Variants in KCNH1 observed in about 807,000 individuals in gnomAD.
KCNH1 encodes the protein voltage-gated delayed rectifier potassium channel KCNH1.
Under a neutral mutation model 69.2 loss-of-function variants are expected in KCNH1, and 27 were observed. The observed-to-expected ratio is 0.39, with a 90% CI of 0.29 to 0.54. The LOEUF (loss-of-function observed/expected upper bound fraction) is 0.54, where lower values mean the gene tolerates loss of function less well. KCNH1 is among the 20% of genes least tolerant of loss of function. The pLI is 0.68. For missense variants in KCNH1, 798 were observed against 1,261.6 expected (o/e 0.63, Z 5.57); for synonymous variants, 456 against 487.7 (o/e 0.93, Z 0.86).
rs1422721009 is a variant in KCNH1, at chr1:211,045,190, C to T, written c.559-25934G>A. Among the ~76,000 whole-genome samples, 7 of 151,624 alleles carry T rather than the reference C, an allele frequency of 4.6e-5. No individual in the cohort carries two copies. In the East Asian group the frequency reaches 1.4e-3, roughly 29 times the overall value. On this transcript the variant is annotated intron_variant, in intron 5 of 10. Coordinates refer to ENST00000271751, the MANE Select transcript of KCNH1 (RefSeq NM_172362.3). The stretch of plus-strand genomic sequence containing the variant: ...AATGGAAAGCCAAACATTGTATGCT[C>T]TCACTTATAAGTAGGAGCTAAGCTA...
chr1:210,952,858 A>T (rs1488257063), intron 6 of KCNH1, among the ~76,000 whole-genome samples: 1 of 152,088 alleles, frequency 6.6e-6, no homozygotes, highest in Non-Finnish European at 1.5e-5. Context: ...TGGTGTCTCT[A>T]CTCTTGTGCA....
chr1:210,907,767 AATGATGTGGT>A, intron 7 of KCNH1, among the ~76,000 whole-genome samples: 1 of 152,140 alleles, frequency 6.6e-6, no homozygotes, highest in Non-Finnish European at 1.5e-5. Flanking sequence ...GCAATTGAGA[AATGATGTGGT>A]ATGTGTCAGT....
intron 7 of KCNH1, chr1:210,859,215 T>G (rs2102478324): frequency 1.2e-6 from 2 of 1,612,110 alleles, no homozygotes; most frequent in South Asian, 1.1e-5. Flanking sequence ...TTGAAAGAAC[T>G]TGGCACAACT....
intron 5 of KCNH1, among the ~76,000 whole-genome samples, chr1:211,080,239 T>C (rs1164843797): frequency 2.0e-5 from 3 of 151,984 alleles, no homozygotes; most frequent in African/African-American, 7.3e-5. Flanking sequence ...GAGAATAAAA[T>C]ACCTAGGAAT....
intron 9 of KCNH1, among the ~76,000 whole-genome samples, chr1:210,795,147 G>GT (rs1553344271): frequency 1.2e-4 from 15 of 123,974 alleles, no homozygotes; most frequent in African/African-American, 3.5e-4. Flanking sequence ...TGTTGTTGTT[G>GT]TTGTTTGTTT....
intron 7 of KCNH1, among the ~76,000 whole-genome samples, chr1:210,850,847 A>G (rs181788677): frequency 5.6e-4 from 86 of 152,336 alleles, no homozygotes; most frequent in Admixed American, 2.0e-3. Flanking sequence ...TCAAAAGCCT[A>G]CTTTCTAGAG....
chr1:210,856,716 GGT>G (rs1685845763), intron 7 of KCNH1, among the ~76,000 whole-genome samples: 1 of 144,880 alleles, frequency 6.9e-6, no homozygotes. Context: ...TCTTGGTAAT[GGT>G]TCTTACCCAG....
intron 10 of KCNH1, among the ~76,000 whole-genome samples, chr1:210,736,395 A>C (rs1053202218): frequency 6.6e-6 from 1 of 152,154 alleles, no homozygotes; most frequent in Non-Finnish European, 1.5e-5. Context: ...CTAAAAATAC[A>C]AAAGTAGACA....
chr1:210,688,369 T>C (rs111765194), intron 10 of KCNH1, among the ~76,000 whole-genome samples: 3 of 152,330 alleles, frequency 2.0e-5, no homozygotes, highest in African/African-American at 7.2e-5. Flanking sequence ...GAGGACTCCA[T>C]TGCAGATGCA....
chr1:211,066,468 A>G (rs190506984), intron 5 of KCNH1, among the ~76,000 whole-genome samples: 1 of 152,252 alleles, frequency 6.6e-6, no homozygotes, highest in East Asian at 1.9e-4. Flanking sequence ...AGGTAATATC[A>G]TCAATATTTT....
chr1:210,726,881 T>C (rs1682609805), intron 10 of KCNH1, among the ~76,000 whole-genome samples: 1 of 152,146 alleles, frequency 6.6e-6, no homozygotes. Context: ...GCCTGCTTAC[T>C]CAACCCTCAA....
chr1:210,778,589 A>G (rs1400330828), intron 9 of KCNH1, among the ~76,000 whole-genome samples: 1 of 152,022 alleles, frequency 6.6e-6, no homozygotes, highest in Non-Finnish European at 1.5e-5. Flanking sequence ...GAACATCACA[A>G]ATCATCCCAA....
At chr1:210,984,519 C>G (rs1352078633) in intron 6 of KCNH1, among the ~76,000 whole-genome samples, 1 of 152,104 alleles carries the variant, frequency 6.6e-6, no homozygotes, top group Non-Finnish European at 1.5e-5. Flanking sequence ...TTTTCTGCAT[C>G]TATTGAGATA....
At chr1:210,775,712 A>G (rs1270632080) in intron 9 of KCNH1, among the ~76,000 whole-genome samples, 168 bp from the exon 10 acceptor site, 1 of 152,178 alleles carries the variant, frequency 6.6e-6, no homozygotes, top group African/African-American at 2.4e-5. Context: ...CCTTAACAAC[A>G]TGCAGTTTAA....
intron 7 of KCNH1, among the ~76,000 whole-genome samples, chr1:210,821,713 C>A (rs1039351823): frequency 1.3e-5 from 2 of 151,960 alleles, no homozygotes; most frequent in African/African-American, 4.8e-5. Flanking sequence ...AGATCATATG[C>A]CCTCTTTGGA....
chr1:211,011,951 C>T (rs1304072019), intron 6 of KCNH1, among the ~76,000 whole-genome samples: 1 of 152,220 alleles, frequency 6.6e-6, no homozygotes, highest in African/African-American at 2.4e-5. Flanking sequence ...ACATCACAAA[C>T]ATCACTGAAA....
chr1:210,730,147 G>GCTA (rs1682708779), intron 10 of KCNH1, among the ~76,000 whole-genome samples: 1 of 152,200 alleles, frequency 6.6e-6, no homozygotes, highest in Non-Finnish European at 1.5e-5. Context: ...TCAGCAAAGT[G>GCTA]CTAAGGACAG....
intron 9 of KCNH1, among the ~76,000 whole-genome samples, chr1:210,786,439 C>A (rs1181123892): frequency 6.6e-6 from 1 of 152,158 alleles, no homozygotes; most frequent in African/African-American, 2.4e-5. Flanking sequence ...ACCCCTCCCC[C>A]ACCACACACC....
intron 5 of KCNH1, among the ~76,000 whole-genome samples, chr1:211,039,271 C>A (rs1023290490): frequency 9.8e-5 from 15 of 152,340 alleles, no homozygotes; most frequent in Admixed American, 3.3e-4. Flanking sequence ...TTGGGAACTT[C>A]CGCCTAGATT....
Sources: gnomAD v4.1 joint callset for allele counts (sites outside exome capture counted in the v4.1 genomes callset) on GRCh38, gnomAD v4.1.1 for gene constraint, MANE v1.5 for transcripts, NCBI Gene and HGNC (gene_info 2026-07-23, HGNC 2026-07-21) for gene names.